Variants in CHRM5 observed in about 807,000 individuals in gnomAD.
CHRM5 encodes the protein muscarinic acetylcholine receptor M5.
A neutral mutation model predicts 39.0 loss-of-function variants in CHRM5; 18 were observed. That is an observed-to-expected ratio of 0.46 (90% confidence interval 0.32 to 0.68). The LOEUF (loss-of-function observed/expected upper bound fraction) is 0.68, where lower values mean the gene tolerates loss of function less well. Among genes scored for constraint, CHRM5 ranks in the 30% least tolerant of loss-of-function variants. The pLI is 0.04. For missense variants in CHRM5, 515 were observed against 651.1 expected (o/e 0.79, Z 2.28); for synonymous variants, 241 against 246.3 (o/e 0.98, Z 0.20).
chr15:33,993,765 G>A (rs77849105), intron 1 of CHRM5, among the ~76,000 whole-genome samples: 2,353 of 152,166 alleles, frequency 0.015, 63 homozygotes, highest in African/African-American at 0.053. Context: ...AGAGGTGACC[G>A]CAATCATGAT....
At position 34,063,245 on chromosome 15, in the gene CHRM5, G is replaced by T. The variant is rs371681518; in HGVS notation, c.528G>T (p.Arg176=). The part of the protein sequence containing the change: ...ILCWQYLVGK[R]TVPLDECQIQ... ...GCTGGCAGTACTTGGTTGGGAAGCGGACAGTTCCACTGGATGAGTGCCAGA... is the reference window on the plus strand; with the variant it reads ...GCTGGCAGTACTTGGTTGGGAAGCGTACAGTTCCACTGGATGAGTGCCAGA... The change falls in exon 3 of 3, where the codon CGG becomes CGT. Residue 176 remains arginine, a synonymous_variant. Coordinates refer to ENST00000383263, the MANE Select transcript of CHRM5 (RefSeq NM_012125.4). This position sits in a 1 kb window ranked among gnomAD's most constrained non-coding sequence, Gnocchi z 4.1. 6.2e-6 allele frequency: 10 copies of T among 1,614,082 alleles called. No individual in the cohort carries two copies. In the African/African-American group the frequency reaches 1.2e-4, roughly 19 times the overall value.
At chr15:34,034,018 C>G (rs960553125) in intron 1 of CHRM5, among the ~76,000 whole-genome samples, 3 of 152,146 alleles carry the variant, frequency 2.0e-5, no homozygotes, top group African/African-American at 7.2e-5. Flanking sequence ...ATCTCTTGAC[C>G]TTGTGATCTG....
intron 1 of CHRM5, among the ~76,000 whole-genome samples, chr15:34,032,189 G>A (rs1372875452): frequency 6.6e-6 from 1 of 152,164 alleles, no homozygotes; most frequent in Non-Finnish European, 1.5e-5. Context: ...TCAAGAAATA[G>A]TGACATCTGA....
intron 1 of CHRM5, among the ~76,000 whole-genome samples, chr15:34,032,718 G>C (rs993978080): frequency 2.0e-5 from 3 of 152,118 alleles, no homozygotes; most frequent in African/African-American, 4.8e-5. Context: ...TTTCCCAAAA[G>C]CAGTCTACCC....
chr15:34,062,337 C>T (rs914370814), intron 2 of CHRM5, among the ~76,000 whole-genome samples: 7 of 152,052 alleles, frequency 4.6e-5, no homozygotes, highest in Admixed American at 3.3e-4. Context: ...GGGTGGATCA[C>T]GAAGTCAGGA....
At chr15:34,056,315 T>G (rs536286592) in intron 2 of CHRM5, among the ~76,000 whole-genome samples, 1 of 152,312 alleles carries the variant, frequency 6.6e-6, no homozygotes. Context: ...TCACAAGATT[T>G]TAGCCGAAAT....
At chr15:34,055,591 G>T (rs1250191391) in intron 2 of CHRM5, among the ~76,000 whole-genome samples, 2 of 151,860 alleles carry the variant, frequency 1.3e-5, no homozygotes, top group Non-Finnish European at 2.9e-5. Flanking sequence ...CATGAGGTCA[G>T]GAGATCAAGA....
chr15:34,053,161 A>T (rs941493011), intron 2 of CHRM5, among the ~76,000 whole-genome samples: 53 of 151,140 alleles, frequency 3.5e-4, no homozygotes, highest in Non-Finnish European at 6.6e-4. Context: ...TTATCCAGAC[A>T]TGGTGGTGGG....
chr15:33,969,614 G>GA (rs1399065407), intron 1 of CHRM5, among the ~76,000 whole-genome samples: 4 of 151,512 alleles, frequency 2.6e-5, no homozygotes, highest in African/African-American at 7.2e-5. Context: ...TTGTTACTAA[G>GA]AAAAAAAAGC....
chr15:34,045,702 A>T (rs1016500669), intron 1 of CHRM5, among the ~76,000 whole-genome samples: 1 of 141,376 alleles, frequency 7.1e-6, no homozygotes, highest in Non-Finnish European at 1.5e-5. Context: ...AGCTTCTCAT[A>T]AAAAAAAAAA....
chr15:34,000,061 CTA>C (rs1179139649), intron 1 of CHRM5, among the ~76,000 whole-genome samples: 1 of 152,170 alleles, frequency 6.6e-6, no homozygotes, highest in Non-Finnish European at 1.5e-5. Flanking sequence ...TTTGAGCTTG[CTA>C]TTCCCTTTGC....
At chr15:33,999,024 G>C (rs866537256) in intron 1 of CHRM5, among the ~76,000 whole-genome samples, 2 of 152,324 alleles carry the variant, frequency 1.3e-5, no homozygotes, top group African/African-American at 4.8e-5. Context: ...CCTATTAGAT[G>C]TTGTGCTGGG....
At chr15:33,990,706 G>C (rs1430003900) in intron 1 of CHRM5, 1 of 152,222 alleles carries the variant, frequency 6.6e-6, no homozygotes, top group Non-Finnish European at 1.5e-5. Flanking sequence ...TGGTGATAGT[G>C]AAAACAATGG....
At chr15:34,011,393 G>A (rs1240839604) in intron 1 of CHRM5, among the ~76,000 whole-genome samples, 7 of 152,056 alleles carry the variant, frequency 4.6e-5, no homozygotes, top group African/African-American at 1.7e-4. Flanking sequence ...AGATATGCAT[G>A]ATCATATTTG....
rs781620950 is a variant in CHRM5 at position 34,063,542 on chromosome 15, C to CA, written c.826dup (p.Arg276LysfsTer23). 1.9e-6 allele frequency: 3 copies of CA among 1,613,508 alleles called. No individual in the cohort carries two copies. ...ACCAGGCCTCCTGGTCATCCTCCCG[C>CA]AGGAGCACCTCCACCACTGGGAAGC... On this transcript the variant is annotated frameshift_variant, in exon 3 of 3. Coordinates refer to ENST00000383263, the MANE Select transcript of CHRM5 (RefSeq NM_012125.4). LOFTEE classifies it high-confidence loss of function. The surrounding 1 kb of genome is among the most constrained non-coding windows in gnomAD (Gnocchi z 4.1).
At chr15:33,999,753 G>A (rs550985014) in intron 1 of CHRM5, among the ~76,000 whole-genome samples, 17 of 152,222 alleles carry the variant, frequency 1.1e-4, no homozygotes, top group African/African-American at 4.1e-4. Context: ...TAGTCTACCT[G>A]CTACTAGTAG....
intron 1 of CHRM5, among the ~76,000 whole-genome samples, chr15:33,981,279 T>C (rs893394533): frequency 1.3e-5 from 2 of 152,234 alleles, no homozygotes; most frequent in Non-Finnish European, 2.9e-5. Flanking sequence ...AATTATCTTT[T>C]TGCTTGAGTT....
chr15:34,033,065 AATCCTTAC>A (rs1284334116), intron 1 of CHRM5, among the ~76,000 whole-genome samples: 2 of 152,184 alleles, frequency 1.3e-5, no homozygotes, highest in African/African-American at 4.8e-5. Context: ...AATGTTTCTC[AATCCTTAC>A]ATCTATAAAA....
intron 1 of CHRM5, among the ~76,000 whole-genome samples, chr15:34,038,004 G>GT (rs948656859): frequency 6.6e-6 from 1 of 152,130 alleles, no homozygotes; most frequent in African/African-American, 2.4e-5. Flanking sequence ...CTGAGATATG[G>GT]TTAGCTTTGC....
Sources: gnomAD v4.1 joint callset for allele counts (sites outside exome capture counted in the v4.1 genomes callset) on GRCh38, gnomAD v4.1.1 for gene constraint, Gnocchi (gnomAD v3.1) non-coding constraint, MANE v1.5 for transcripts, NCBI Gene and HGNC (gene_info 2026-07-23, HGNC 2026-07-21) for gene names.